KIAA0586: variants seen among roughly 807,000 people sequenced by gnomAD.
KIAA0586 encodes the protein protein TALPID3.
A neutral mutation model predicts 169.8 loss-of-function variants in KIAA0586; 144 were observed. That is an observed-to-expected ratio of 0.85 (90% CI 0.74 to 0.97). KIAA0586 has a LOEUF of 0.97. Ranked by LOEUF, KIAA0586 falls within the 50% of genes least tolerant of loss-of-function variation. The pLI, the probability that KIAA0586 is intolerant of heterozygous loss-of-function variation, is 0.00. For missense variants in KIAA0586, 1,854 were observed against 1,823.0 expected, an observed-to-expected ratio of 1.02 and a Z score of -0.31; for synonymous variants, 625 against 612.4, an observed-to-expected ratio of 1.02 and a Z score of -0.30.
the KIAA0586 span, among the ~76,000 whole-genome samples, chr14:58,558,615 T>C: frequency 6.6e-6 from 1 of 152,244 alleles, no homozygotes; most frequent in Non-Finnish European, 1.5e-5. Flanking sequence ...TGAATCTCTT[T>C]AACTACTGGC....
chr14:58,521,762 G>C, intron 29 of KIAA0586: 1 of 807,618 alleles, frequency 1.2e-6, no homozygotes, highest in Non-Finnish European at 2.2e-6. Flanking sequence ...TAGAGATGAA[G>C]GATGATAAGT....
chr14:58,508,597 G>C lies in KIAA0586; in HGVS notation c.4211G>C (p.Ser1404Thr). The change falls in exon 28 of 31, where the codon AGT (serine) becomes ACT (threonine). Residue 1404 changes from serine (S) to threonine (T), a missense_variant. Physicochemically the swap from Ser to Thr is moderately conservative, Grantham distance 58. Coordinates refer to ENST00000652326, the MANE Select transcript of KIAA0586 (RefSeq NM_001329943.3). ...TCATGTGCTAGTCATGGTCCAATGAGTTTGGGAGAATTGGAGTTGGAGCCA... is the reference window on the plus strand; with the variant it reads ...TCATGTGCTAGTCATGGTCCAATGACTTTGGGAGAATTGGAGTTGGAGCCA... ...EDSCASHGPM[S>T]LGELELEPNS... 6.3e-7 allele frequency: 1 copy of C among 1,598,584 alleles called. No homozygotes were observed. The highest frequency in any genetic ancestry group is 8.5e-7 in the Non-Finnish European group (1 of 1,171,778).
chr14:58,498,676 T>C, intron 26 of KIAA0586, 107 bp from the exon 27 acceptor site: 1 of 928,960 alleles, frequency 1.1e-6, no homozygotes, highest in South Asian at 2.3e-5. Flanking sequence ...GTTTGTAAAA[T>C]ACCTTCCAAG....
chr14:58,491,140 A>G (rs917696216), intron 25 of KIAA0586, among the ~76,000 whole-genome samples: 5 of 152,208 alleles, frequency 3.3e-5, no homozygotes, highest in Admixed American at 1.3e-4. Context: ...TTAGTGTACA[A>G]TTATAGCATT....
intron 27 of KIAA0586, among the ~76,000 whole-genome samples, chr14:58,507,431 G>T (rs2044076550): frequency 1.3e-5 from 2 of 148,328 alleles, no homozygotes; most frequent in African/African-American, 4.9e-5. Flanking sequence ...AACTTAATTT[G>T]CATATAACTC....
rs756304022 is a variant in KIAA0586 at position 58,474,603 on chromosome 14, C to T, written c.2635-4C>T. The T allele has an allele frequency of 1.3e-6, 2 of 1,569,662 alleles. No individual in the cohort carries two copies. Among genetic ancestry groups the T allele is most frequent in the East Asian group, 2.3e-5 (1 of 43,888 alleles). On this transcript the variant is annotated splice_polypyrimidine_tract_variant and splice_region_variant and intron_variant, in intron 18 of 30. Transcript: ENST00000652326. ...TATAATAGTTTTGTTTTTGTTACTA[C>T]CAGGAAGAAGAAAAATGTGATGAAA...
chr14:58,500,397 G>C (rs1266719168), intron 27 of KIAA0586, among the ~76,000 whole-genome samples: 15 of 152,072 alleles, frequency 9.9e-5, no homozygotes, highest in Non-Finnish European at 2.9e-5. Flanking sequence ...ACACAGCGGA[G>C]CCTTTTTGTG....
chr14:58,476,125 A>G (rs1214490767), intron 19 of KIAA0586, among the ~76,000 whole-genome samples: 1 of 152,164 alleles, frequency 6.6e-6, no homozygotes, highest in Non-Finnish European at 1.5e-5. Flanking sequence ...AAAACTGTGC[A>G]TAAAACAAAA....
chr14:58,498,054 T>G (rs1280852159), intron 26 of KIAA0586, among the ~76,000 whole-genome samples: 1 of 151,970 alleles, frequency 6.6e-6, no homozygotes, highest in Non-Finnish European at 1.5e-5. Flanking sequence ...ATTTTTTGTA[T>G]TTTTAGTACA....
rs2047130016 is a variant in KIAA0586 at position 58,548,812 on chromosome 14, C to T, written c.*880C>T. The T allele has an allele frequency of 2.6e-5, 4 of 152,152 alleles. No individual in the cohort carries two copies. The South Asian group carries it at 8.3e-4, about 32-fold the overall frequency. 9.4% of individuals were successfully genotyped at this position (152,152 alleles called of 1,614,324 possible). On this transcript the variant is annotated 3_prime_UTR_variant, in exon 31 of 31. Coordinates refer to ENST00000652326, the MANE Select transcript of KIAA0586 (RefSeq NM_001329943.3). ...CATAAAATTAAAGGAAAATAAAAAG[C>T]ATTGCTTCGTAATCAGATACATGTA...
chr14:58,443,200 A>G lies in KIAA0586; in HGVS notation c.585+320A>G, dbSNP rs1054220139. Among the ~76,000 whole-genome samples the G allele has an allele frequency of 2.0e-5, 3 of 152,244 alleles. No individual in the cohort carries two copies. The East Asian group carries it at 5.8e-4, about 29-fold the overall frequency. ...TTTGAGAGCTAGAGGAACCTTAGAGATAATCTATGCCTTAGCTGTCGCTTT... is the reference window on the plus strand; with the variant it reads ...TTTGAGAGCTAGAGGAACCTTAGAGGTAATCTATGCCTTAGCTGTCGCTTT... On this transcript the variant is annotated intron_variant, in intron 5 of 30. Coordinates refer to ENST00000652326, the MANE Select transcript of KIAA0586 (RefSeq NM_001329943.3).
At chr14:58,502,797 T>G (rs542407417) in intron 27 of KIAA0586, among the ~76,000 whole-genome samples, 16 of 152,300 alleles carry the variant, frequency 1.1e-4, no homozygotes, top group African/African-American at 3.6e-4. Context: ...ACTAATTTGT[T>G]CCTCTTGTTT....
chr14:58,479,589 TCTTTG>T (rs2041888086), intron 20 of KIAA0586, among the ~76,000 whole-genome samples: 1 of 152,176 alleles, frequency 6.6e-6, no homozygotes, highest in African/African-American at 2.4e-5. Context: ...TTTAAAAAAA[TCTTTG>T]CTAACCCAAG....
At chr14:58,516,641 CA>C (rs1216599885) in intron 29 of KIAA0586, among the ~76,000 whole-genome samples, 1 of 152,152 alleles carries the variant, frequency 6.6e-6, no homozygotes, top group African/African-American at 2.4e-5. Flanking sequence ...TAGAAGTTGA[CA>C]AGCTGAAGCT....
rs2037283768 is a variant in KIAA0586, at chr14:58,430,631, C to T, written c.271-17C>T. ...ATGAAGTTTATTTAGCCTATTTCTT[C>T]CTTTCATATCCCAAAGGATTTTTCT... On this transcript the variant is annotated splice_polypyrimidine_tract_variant and intron_variant, in intron 2 of 30. Coordinates refer to ENST00000652326, the MANE Select transcript of KIAA0586 (RefSeq NM_001329943.3). The T allele has an allele frequency of 2.6e-6, 4 of 1,526,510 alleles. No homozygotes were observed. The highest frequency in any genetic ancestry group is 3.6e-6 in the Non-Finnish European group (4 of 1,111,894). The allele number at this position is 1,526,510 out of a possible 1,614,324, so 94.6% of individuals were successfully genotyped here. A position where few individuals can be genotyped will look rare whatever the true frequency, so the allele number is the denominator to read the frequency against.
rs369470306 is a variant in KIAA0586, at chr14:58,436,826, A to ACT, written c.410+4372_410+4373dup. ...CTTGCCTTAATTGATATTATAATGTACTCTAAAGCCTTAGAGGAATGAAGA... is the reference window on the plus strand; with the variant it reads ...CTTGCCTTAATTGATATTATAATGTACTCTCTAAAGCCTTAGAGGAATGAAGA... On this transcript the variant is annotated intron_variant, in intron 4 of 30. Transcript: ENST00000652326. 2.5e-3 allele frequency among the ~76,000 whole-genome samples: 387 copies of ACT among 152,272 alleles called. 4 individuals carry two copies. The highest frequency in any genetic ancestry group is 8.9e-3 in the African/African-American group (370 of 41,570).
At chr14:58,552,001 G>A (rs1216747238), downstream of KIAA0586, among the ~76,000 whole-genome samples, 1 of 152,118 alleles carries the variant, frequency 6.6e-6, no homozygotes, top group South Asian at 2.1e-4. Context: ...ACAGTGTGGC[G>A]TGGATCCTCA....
At chr14:58,535,925 G>T (rs2046256724) in intron 29 of KIAA0586, among the ~76,000 whole-genome samples, 1 of 151,824 alleles carries the variant, frequency 6.6e-6, no homozygotes, top group South Asian at 2.1e-4. Context: ...TGTTTTCTTA[G>T]ATAATCCATA....
intron 29 of KIAA0586, among the ~76,000 whole-genome samples, chr14:58,525,298 T>C (rs1321791544): frequency 2.0e-5 from 3 of 152,016 alleles, no homozygotes; most frequent in African/African-American, 7.2e-5. Context: ...AATTCCATTG[T>C]GCAGCTCCCA....
Sources: allele counts gnomAD v4.1 joint callset (sites outside exome capture counted in the v4.1 genomes callset), GRCh38; gene constraint gnomAD v4.1.1; transcripts MANE v1.5; gene names NCBI Gene and HGNC (gene_info 2026-07-23, HGNC 2026-07-21).